PARM1: variants seen among roughly 807,000 people sequenced by gnomAD.
PARM1 encodes prostate androgen-regulated mucin-like protein 1, also known as WSC4, cell wall integrity and stress response component 4 homolog.
A neutral mutation model predicts 24.6 loss-of-function variants in PARM1; 14 were observed. The ratio of observed to expected loss-of-function variants is 0.57; its 90% CI spans 0.38 to 0.89. The LOEUF is 0.89. Among genes scored for constraint, PARM1 ranks in the 40% least tolerant of loss-of-function variants. The pLI, the probability that PARM1 is intolerant of heterozygous loss-of-function variation, is 0.00. For synonymous variants in PARM1, 179 were observed against 156.6 expected (o/e 1.14, Z -1.07); for missense variants, 362 against 380.4 (o/e 0.95, Z 0.40).
chr4:74,993,822 A>G (rs963712311), intron 1 of PARM1: 2 of 152,150 alleles, frequency 1.3e-5, no homozygotes, highest in African/African-American at 2.4e-5. Context: ...GGGTCTGTTC[A>G]TTATTGATTG....
At chr4:75,041,610 A>G (rs1463071800) in intron 3 of PARM1, among the ~76,000 whole-genome samples, 1 of 152,222 alleles carries the variant, frequency 6.6e-6, no homozygotes, top group Non-Finnish European at 1.5e-5. Context: ...TCATTTTCAA[A>G]GACAATAGAG....
Position 75,012,813 on chromosome 4 carries a change from G to A in PARM1, c.432G>A (p.Glu144=). The A allele has an allele frequency of 2.5e-6, 4 of 1,613,928 alleles. No individual in the cohort carries two copies. The highest frequency in any genetic ancestry group is 3.4e-6 in the Non-Finnish European group (4 of 1,179,866). The change falls in exon 2 of 4, where the codon GAG becomes GAA. Residue 144 remains glutamate, a synonymous_variant. Transcript: ENST00000307428. ...VAATLSQSAA[E]PPTLISPQAP... ...CTACACTGTCGCAGTCCGCTGCTGA[G>A]CCTCCCACACTCATCTCCCCTCAAG... is the stretch of plus-strand genomic sequence containing the variant.
At chr4:74,948,121 C>T (rs1407332689) in intron 1 of PARM1, among the ~76,000 whole-genome samples, 2 of 152,166 alleles carry the variant, frequency 1.3e-5, no homozygotes, top group Non-Finnish European at 2.9e-5. Flanking sequence ...CAGATTTTTC[C>T]CTGTGTTCTT....
intron 2 of PARM1, among the ~76,000 whole-genome samples, chr4:75,028,792 A>G (rs1419543921): frequency 1.3e-5 from 2 of 152,182 alleles, no homozygotes; most frequent in Non-Finnish European, 2.9e-5. Flanking sequence ...CAGCAAAGTT[A>G]TTTCTTCAGA....
At chr4:74,938,981 G>T (rs1274414300) in intron 1 of PARM1, among the ~76,000 whole-genome samples, 6 of 152,094 alleles carry the variant, frequency 3.9e-5, no homozygotes, top group Admixed American at 3.3e-4. Flanking sequence ...AAAAACAAAG[G>T]TTGTCCAGTC....
intron 1 of PARM1, among the ~76,000 whole-genome samples, chr4:74,993,677 A>G (rs569081796): frequency 5.3e-5 from 8 of 152,316 alleles, no homozygotes; most frequent in African/African-American, 1.7e-4. Flanking sequence ...TTATGATTTT[A>G]TAACAAATGA....
intron 1 of PARM1, among the ~76,000 whole-genome samples, chr4:74,972,537 T>A (rs1722059363): frequency 6.6e-6 from 1 of 152,212 alleles, no homozygotes; most frequent in Non-Finnish European, 1.5e-5. Flanking sequence ...GTTCTCAAAA[T>A]TGTGTCTTTT....
At chr4:74,974,356 T>G (rs549326686) in intron 1 of PARM1, among the ~76,000 whole-genome samples, 2 of 152,190 alleles carry the variant, frequency 1.3e-5, no homozygotes, top group South Asian at 4.1e-4. Context: ...TCCCCAGGTC[T>G]CCACTGTCAT....
At chr4:74,942,921 C>T (rs764382258) in intron 1 of PARM1, among the ~76,000 whole-genome samples, 1 of 152,174 alleles carries the variant, frequency 6.6e-6, no homozygotes, top group African/African-American at 2.4e-5. Context: ...TCAAGACCTC[C>T]GTGAGCTGGG....
At chr4:74,981,995 A>G (rs1337234763) in intron 1 of PARM1, among the ~76,000 whole-genome samples, 1 of 152,144 alleles carries the variant, frequency 6.6e-6, no homozygotes, top group Non-Finnish European at 1.5e-5. Flanking sequence ...ACCCGCACTC[A>G]TATGTTCATT....
intron 3 of PARM1, among the ~76,000 whole-genome samples, chr4:75,045,215 A>T (rs1723577128): frequency 6.6e-6 from 1 of 152,224 alleles, no homozygotes; most frequent in East Asian, 1.9e-4. Flanking sequence ...GTCAGGCATG[A>T]GAGTAAAGAG....
rs1007975644 is a variant in PARM1 at position 74,933,182 on chromosome 4, C to A, written c.-146C>A. 2 of 626,492 alleles carry A rather than the reference C, an allele frequency of 3.2e-6. No homozygotes were observed. The highest frequency in any genetic ancestry group is 3.8e-5 in the African/African-American group (2 of 53,206). The allele number at this position is 626,492 out of a possible 1,614,324, so 38.8% of individuals were successfully genotyped here. On this transcript the variant is annotated 5_prime_UTR_variant, in exon 1 of 4. Transcript: ENST00000307428. ...TGCGCTGCGTTCGCCTCGTTTGCCT[C>A]GCGCCCTCCACTGGAGCTGTTCGCG... is the stretch of plus-strand genomic sequence containing the variant.
intron 2 of PARM1, among the ~76,000 whole-genome samples, chr4:75,024,825 A>C (rs575240904): frequency 5.3e-5 from 8 of 152,240 alleles, no homozygotes; most frequent in Admixed American, 5.2e-4. Context: ...CAGCCTCCTG[A>C]ATAGCTGGAA....
At chr4:75,039,298 G>C (rs1254869470) in intron 3 of PARM1, among the ~76,000 whole-genome samples, 2 of 152,152 alleles carry the variant, frequency 1.3e-5, no homozygotes, top group African/African-American at 4.8e-5. Flanking sequence ...TTGGGAGGCT[G>C]AGGCGGGCAG....
intron 1 of PARM1, among the ~76,000 whole-genome samples, chr4:74,936,117 G>C (rs1578018977): frequency 6.6e-6 from 1 of 152,164 alleles, no homozygotes; most frequent in East Asian, 1.9e-4. Context: ...TGACAGATGT[G>C]AGCCACTGTG....
Position 75,013,164 on chromosome 4 carries a change from C to T in PARM1, c.769+14C>T, listed in dbSNP as rs766845990. The T allele has an allele frequency of 6.9e-6, 11 of 1,596,270 alleles. No individual in the cohort carries two copies. The East Asian group carries it at 2.2e-4, about 32-fold the overall frequency. On this transcript the variant is annotated intron_variant, in intron 2 of 3. Transcript: ENST00000307428. Reference sequence around the variant, plus strand: ...CATTAAGTTCAGGTGAGTCTCTATCCAGTCCACTAGTTTTCTTTACTACAC... The same window carrying T: ...CATTAAGTTCAGGTGAGTCTCTATCTAGTCCACTAGTTTTCTTTACTACAC...
At chr4:74,934,989 CTTTT>C (rs1721147450) in intron 1 of PARM1, among the ~76,000 whole-genome samples, 1 of 10,880 alleles carries the variant, frequency 9.2e-5, no homozygotes, top group African/African-American at 1.5e-4. Flanking sequence ...CCAAGAAGCT[CTTTT>C]TTCTTTTTTT....
chr4:75,013,251 T>A, intron 2 of PARM1, 101 bp downstream of exon 2: 1 of 1,196,088 alleles, frequency 8.4e-7, no homozygotes, highest in East Asian at 2.3e-5. Context: ...TTTTGGAGTG[T>A]AACACCTAAG....
chr4:74,983,190 T>A (rs1373288649), intron 1 of PARM1, among the ~76,000 whole-genome samples: 1 of 152,068 alleles, frequency 6.6e-6, no homozygotes, highest in Non-Finnish European at 1.5e-5. Flanking sequence ...ACTATGAGAG[T>A]CATTGTATAT....
Sources: gnomAD v4.1 joint callset for allele counts (sites outside exome capture counted in the v4.1 genomes callset) on GRCh38, gnomAD v4.1.1 for gene constraint, MANE v1.5 for transcripts, NCBI Gene and HGNC (gene_info 2026-07-23, HGNC 2026-07-21) for gene names.